Variants in TENM2 observed in about 807,000 individuals in gnomAD.
The protein encoded by TENM2 is teneurin-2.
In TENM2, 52 loss-of-function variants were observed where a neutral mutation model predicts 245.2. The observed-to-expected ratio is 0.21, with a 90% CI of 0.17 to 0.27. The LOEUF is 0.27. Among genes scored for constraint, TENM2 ranks in the 10% least tolerant of loss-of-function variants. TENM2 has a pLI of 1.00. For synonymous variants in TENM2, 1,363 were observed against 1,438.9 expected (o/e 0.95, Z 1.19); for missense variants, 3,046 against 3,666.8 (o/e 0.83, Z 4.37).
intron 7 of TENM2, among the ~76,000 whole-genome samples, chr5:168,067,091 G>T (rs147320293): frequency 3.3e-5 from 5 of 152,290 alleles, no homozygotes; most frequent in Middle Eastern, 3.4e-3. Context: ...TACCACTTGG[G>T]AGCCCTGCTG....
chr5:167,521,504 G>A (rs1770754384), intron 2 of TENM2, among the ~76,000 whole-genome samples: 1 of 152,152 alleles, frequency 6.6e-6, no homozygotes. Context: ...TCATATACAG[G>A]TTTATTTTGG....
intron 1 of TENM2, among the ~76,000 whole-genome samples, chr5:167,369,126 G>C (rs1760249277): frequency 5.3e-5 from 8 of 152,238 alleles, no homozygotes; most frequent in Admixed American, 2.6e-4. Flanking sequence ...CTAGCACCAG[G>C]TTTGGAACAT....
intron 2 of TENM2, among the ~76,000 whole-genome samples, chr5:167,808,830 G>A (rs914868845): frequency 3.2e-4 from 49 of 152,094 alleles, no homozygotes; most frequent in African/African-American, 1.1e-3. Context: ...ACTTCAGGAG[G>A]AGGTGTCCTA....
intron 7 of TENM2, among the ~76,000 whole-genome samples, chr5:168,074,138 T>A (rs1791259481): frequency 6.6e-6 from 1 of 152,222 alleles, no homozygotes. Flanking sequence ...ATAGTGATCA[T>A]ATTACCTTAT....
At chr5:167,880,083 G>T (rs769868866) in intron 3 of TENM2, among the ~76,000 whole-genome samples, 7 of 152,008 alleles carry the variant, frequency 4.6e-5, no homozygotes, top group African/African-American at 1.7e-4. Flanking sequence ...GCTGATCCAG[G>T]CTGGAGTGGC....
chr5:167,380,452 T>G (rs1480394587), intron 2 of TENM2, among the ~76,000 whole-genome samples: 1 of 152,182 alleles, frequency 6.6e-6, no homozygotes, highest in Non-Finnish European at 1.5e-5. Flanking sequence ...AACAGAGTAC[T>G]TCAAGGAGCG....
intron 3 of TENM2, among the ~76,000 whole-genome samples, chr5:167,888,267 C>G (rs1331357926): frequency 6.6e-6 from 1 of 152,156 alleles, no homozygotes; most frequent in African/African-American, 2.4e-5. Flanking sequence ...CCACCATGCT[C>G]GTTGACTGCA....
intron 2 of TENM2, among the ~76,000 whole-genome samples, chr5:167,626,448 T>C (rs1778507080): frequency 6.6e-6 from 1 of 152,220 alleles, no homozygotes; most frequent in African/African-American, 2.4e-5. Flanking sequence ...TCCTTATTCA[T>C]TTGGGTAAGT....
chr5:167,693,567 T>A (rs1757568160), intron 2 of TENM2, among the ~76,000 whole-genome samples: 2 of 150,712 alleles, frequency 1.3e-5, no homozygotes, highest in South Asian at 4.2e-4. Flanking sequence ...ACTGGGTAAC[T>A]GTCATAATGC....
intron 1 of TENM2, chr5:167,294,337 G>T (rs1754826294): frequency 6.6e-6 from 1 of 152,150 alleles, no homozygotes; most frequent in Non-Finnish European, 1.5e-5. Flanking sequence ...CTGGAGAGAG[G>T]CTTGAGCTGG....
At chr5:167,993,263 C>A in intron 5 of TENM2, 81 bp downstream of exon 7, 1 of 1,117,600 alleles carries the variant, frequency 8.9e-7, no homozygotes, top group South Asian at 1.4e-5. Context: ...ATCTAGAGGC[C>A]CTCTGATGTC....
intron 5 of TENM2, among the ~76,000 whole-genome samples, chr5:168,015,905 T>C (rs1785611983): frequency 6.6e-6 from 1 of 152,176 alleles, no homozygotes; most frequent in Non-Finnish European, 1.5e-5. Context: ...ATTGTCCCCA[T>C]TTGGCAGATG....
intron 1 of TENM2, among the ~76,000 whole-genome samples, chr5:167,329,738 T>C (rs906241300): frequency 2.0e-5 from 3 of 151,958 alleles, no homozygotes; most frequent in Non-Finnish European, 4.4e-5. Flanking sequence ...AAGCTGAAAA[T>C]TGTTTTAAAA....
intron 2 of TENM2, among the ~76,000 whole-genome samples, chr5:167,694,755 G>A (rs770346503): frequency 1.3e-5 from 2 of 152,026 alleles, no homozygotes; most frequent in Non-Finnish European, 2.9e-5. Flanking sequence ...TGGTAAGTGC[G>A]TTAAGTGAAA....
intron 4 of TENM2, among the ~76,000 whole-genome samples, chr5:167,958,669 G>C (rs917585803): frequency 6.6e-6 from 1 of 152,098 alleles, no homozygotes; most frequent in Non-Finnish European, 1.5e-5. Context: ...TGTAAGGCAG[G>C]CCTGGTGGTG....
chr5:167,631,031 T>A (rs968071044), intron 2 of TENM2, among the ~76,000 whole-genome samples: 1 of 152,204 alleles, frequency 6.6e-6, no homozygotes, highest in African/African-American at 2.4e-5. Flanking sequence ...ATTTGGCAGT[T>A]ATACATTGAG....
Position 168,234,300 on chromosome 5 carries a change from A to C in TENM2, c.5520+6170A>C, listed in dbSNP as rs374952364. Among the ~76,000 whole-genome samples the C allele has an allele frequency of 3.3e-5, 5 of 152,152 alleles. No homozygotes were observed. The East Asian group carries it at 9.6e-4, about 29-fold the overall frequency. On this transcript the variant is annotated intron_variant, in intron 25 of 28. Coordinates refer to ENST00000518659, the Ensembl canonical transcript of TENM2. ...CTCATGGAAGAAAGATTGACCTGGC[A>C]GAGGGAGTTCACATTCCTGGGCAAA...
At chr5:167,515,407 C>T (rs909013907) in intron 2 of TENM2, among the ~76,000 whole-genome samples, 1 of 151,608 alleles carries the variant, frequency 6.6e-6, no homozygotes, top group Non-Finnish European at 1.5e-5. Flanking sequence ...AATGTTGTTT[C>T]ATCCAGAGTT....
At chr5:167,237,053 T>C in the TENM2 span, among the ~76,000 whole-genome samples, 1 of 152,184 alleles carries the variant, frequency 6.6e-6, no homozygotes, top group Admixed American at 6.5e-5. Flanking sequence ...AAGTTTCTCT[T>C]GCAATTCCTG....
Sources: allele counts gnomAD v4.1 joint callset (sites outside exome capture counted in the v4.1 genomes callset), GRCh38; gene constraint gnomAD v4.1.1; transcripts MANE v1.5; gene names NCBI Gene and HGNC (gene_info 2026-07-23, HGNC 2026-07-21).